Variants in DGKB observed in about 807,000 individuals in gnomAD.
The protein encoded by DGKB is 90 kDa diacylglycerol kinase.
Under a neutral mutation model 114.3 loss-of-function variants are expected in DGKB, and 67 were observed. The ratio of observed to expected loss-of-function variants is 0.59; its 90% CI spans 0.48 to 0.72. The LOEUF (loss-of-function observed/expected upper bound fraction) is 0.72, where lower values mean the gene tolerates loss of function less well. Among genes scored for constraint, DGKB ranks in the 30% least tolerant of loss-of-function variants. The pLI is 0.00. For synonymous variants in DGKB, 398 were observed against 323.1 expected (o/e 1.23, Z -2.49); for missense variants, 907 against 975.2 (o/e 0.93, Z 0.93).
At chr7:14,206,409 A>T (rs1046513317) in intron 23 of DGKB, among the ~76,000 whole-genome samples, 1 of 152,128 alleles carries the variant, frequency 6.6e-6, no homozygotes, top group East Asian at 1.9e-4. Context: ...GCAAGTGCAA[A>T]AGTACAGCAA....
intron 21 of DGKB, among the ~76,000 whole-genome samples, chr7:14,449,943 T>C (rs918850893): frequency 6.6e-6 from 1 of 152,082 alleles, no homozygotes; most frequent in African/African-American, 2.4e-5. Context: ...GAACATATGA[T>C]AGTGTGGAAA....
chr7:14,757,755 A>T, intron 2 of DGKB, 24 bp from the exon 3 acceptor site: 1 of 1,403,302 alleles, frequency 7.1e-7, no homozygotes, highest in East Asian at 2.3e-5. Flanking sequence ...AAAACACAAA[A>T]ATTGTTTATA....
chr7:14,260,729 T>C (rs1343391146), intron 23 of DGKB, among the ~76,000 whole-genome samples: 1 of 152,190 alleles, frequency 6.6e-6, no homozygotes, highest in Non-Finnish European at 1.5e-5. Context: ...TTGGTTTAAG[T>C]AGAGCTACTT....
At chr7:14,711,259 C>G (rs1039587732) in intron 6 of DGKB, among the ~76,000 whole-genome samples, 2 of 151,868 alleles carry the variant, frequency 1.3e-5, no homozygotes, top group African/African-American at 2.4e-5. Flanking sequence ...GTTTTAAGCT[C>G]TAGTTAATAT....
chr7:14,184,636 G>A (rs1417506445), intron 23 of DGKB, among the ~76,000 whole-genome samples: 2 of 151,876 alleles, frequency 1.3e-5, no homozygotes, highest in Non-Finnish European at 2.9e-5. Context: ...CCCACCCAAG[G>A]AGAGTCTGAG....
chr7:14,301,753 G>T (rs776783906), intron 23 of DGKB, among the ~76,000 whole-genome samples: 7 of 152,058 alleles, frequency 4.6e-5, no homozygotes, highest in Non-Finnish European at 1.0e-4. Context: ...TAAAAAAATG[G>T]TGTTACCATC....
intron 21 of DGKB, among the ~76,000 whole-genome samples, chr7:14,465,302 T>G (rs1419095573): frequency 6.7e-6 from 1 of 150,344 alleles, no homozygotes; most frequent in African/African-American, 2.5e-5. Flanking sequence ...TAATAAATAT[T>G]TCTCAAGCTA....
intron 21 of DGKB, among the ~76,000 whole-genome samples, chr7:14,413,757 A>G (rs1368923675): frequency 1.3e-5 from 2 of 152,184 alleles, no homozygotes; most frequent in African/African-American, 4.8e-5. Flanking sequence ...ACCCAGGGCA[A>G]GAGTGATGAA....
chr7:14,427,300 T>A (rs1827728684), intron 21 of DGKB, among the ~76,000 whole-genome samples: 1 of 152,060 alleles, frequency 6.6e-6, no homozygotes, highest in Non-Finnish European at 1.5e-5. Context: ...TCCCAACAAG[T>A]TCTTCATCTC....
chr7:14,384,469 C>G (rs760175322), intron 21 of DGKB, among the ~76,000 whole-genome samples: 22 of 152,090 alleles, frequency 1.4e-4, no homozygotes, highest in Non-Finnish European at 2.5e-4. Flanking sequence ...CCACTAAACC[C>G]AATGTGTTTA....
chr7:14,599,701 G>A (rs1030611950), intron 17 of DGKB, among the ~76,000 whole-genome samples: 3 of 152,140 alleles, frequency 2.0e-5, no homozygotes, highest in Non-Finnish European at 2.9e-5. Flanking sequence ...GTTATTATCC[G>A]TTTTGTTCAG....
intron 4 of DGKB, among the ~76,000 whole-genome samples, chr7:14,740,010 C>T (rs1832336256): frequency 6.6e-6 from 1 of 152,210 alleles, no homozygotes; most frequent in Non-Finnish European, 1.5e-5. Context: ...ATCCAACAGC[C>T]ATGCAGGGCG....
At chr7:14,444,420 T>C (rs540025729) in intron 21 of DGKB, among the ~76,000 whole-genome samples, 1 of 151,888 alleles carries the variant, frequency 6.6e-6, no homozygotes, top group East Asian at 1.9e-4. Flanking sequence ...TATGTGTTCA[T>C]TAGAAACATT....
chr7:14,882,437 C>T (rs1271612906), intron 1 of DGKB, among the ~76,000 whole-genome samples: 1 of 151,962 alleles, frequency 6.6e-6, no homozygotes, highest in Admixed American at 6.6e-5. Context: ...TGAACTTCTA[C>T]TTTCTTTTTC....
At chr7:14,795,343 C>A (rs76460730) in intron 2 of DGKB, among the ~76,000 whole-genome samples, 2,252 of 152,160 alleles carry the variant, frequency 0.015, 28 homozygotes, top group Non-Finnish European at 0.021. Context: ...AGATATGGAC[C>A]AAAAGGTAGT....
At chr7:14,627,429 T>A (rs1324416094) in intron 14 of DGKB, among the ~76,000 whole-genome samples, 1 of 152,276 alleles carries the variant, frequency 6.6e-6, no homozygotes, top group Non-Finnish European at 1.5e-5. Flanking sequence ...GATGATTTTA[T>A]CCTGGGTATA....
At chr7:14,924,539 A>G (rs1013877607) in intron 1 of DGKB, among the ~76,000 whole-genome samples, 6 of 152,164 alleles carry the variant, frequency 3.9e-5, no homozygotes, top group African/African-American at 1.4e-4. Context: ...CCTGAAACTC[A>G]TATTTTTCCT....
chr7:14,188,473 A>C lies in DGKB; in HGVS notation c.2123-10322T>G, dbSNP rs186524003. The stretch of plus-strand genomic sequence containing the variant: ...CAGGAGATCGAGACCATCCCGGCTA[A>C]AACGGTGAAACCCCGTCTCTACTAA... On this transcript the variant is annotated intron_variant, in intron 23 of 25. Coordinates refer to ENST00000402815, the MANE Select transcript of DGKB (RefSeq NM_001350709.2). Among the ~76,000 whole-genome samples the C allele has an allele frequency of 7.3e-3, 910 of 124,178 alleles. 56 individuals carry two copies. Among genetic ancestry groups the C allele is most frequent in the African/African-American group, 0.025 (868 of 35,040 alleles). The allele number at this position is 124,178 out of a possible 152,430, so 81.5% of individuals were successfully genotyped here.
intron 4 of DGKB, among the ~76,000 whole-genome samples, chr7:14,752,205 T>A (rs1723233): frequency 6.6e-6 from 1 of 151,942 alleles, no homozygotes; most frequent in African/African-American, 2.4e-5. Context: ...AATTATAGAT[T>A]ACAGTAAAAA....
Sources: allele counts gnomAD v4.1 joint callset (sites outside exome capture counted in the v4.1 genomes callset), GRCh38; gene constraint gnomAD v4.1.1; transcripts MANE v1.5; gene names NCBI Gene and HGNC (gene_info 2026-07-23, HGNC 2026-07-21).